The following TNRC6B variants were observed in gnomAD, a reference collection of about 807,000 sequenced individuals.
TNRC6B encodes the protein trinucleotide repeat-containing gene 6B protein.
Under a neutral mutation model 203.6 loss-of-function variants are expected in TNRC6B, and 52 were observed. The observed-to-expected ratio is 0.26, with a 90% CI of 0.20 to 0.32. The LOEUF is 0.32. Ranked by LOEUF, TNRC6B falls within the 10% of genes least tolerant of loss-of-function variation. The pLI is 1.00. For missense variants in TNRC6B, 1,923 were observed against 2,286.2 expected, an observed-to-expected ratio of 0.84 and a Z score of 3.24; for synonymous variants, 838 against 845.7, an observed-to-expected ratio of 0.99 and a Z score of 0.16.
At chr22:40,262,647 A>C (rs2070404217) in intron 4 of TNRC6B, among the ~76,000 whole-genome samples, 2 of 152,216 alleles carry the variant, frequency 1.3e-5, no homozygotes, top group Non-Finnish European at 2.9e-5. Context: ...TTAGATTTTT[A>C]AACTCAGTAT....
chr22:40,075,156 A>ATATATATATATATATTTTT, intron 1 of TNRC6B, among the ~76,000 whole-genome samples: 1 of 35,556 alleles, frequency 2.8e-5, no homozygotes, highest in Non-Finnish European at 5.2e-5. Context: ...ATATATATAT[A>ATATATATATATATATTTTT]TTTTTTTTTT....
Position 40,266,320 on chromosome 22 carries a change from G to T in TNRC6B, c.2090G>T (p.Gly697Val), listed in dbSNP as rs768004927. The T allele has an allele frequency of 3.7e-6, 6 of 1,600,406 alleles. No homozygotes were observed. In the South Asian group the frequency reaches 6.7e-5, roughly 18 times the overall value. Residue 697 changes from glycine (G) to valine (V), a missense_variant, in exon 5 of 23, where the codon GGC becomes GTC. Around this residue, in one of 8 missense-constraint regions of TNRC6B, gnomAD observed 599 missense variants for 656.5 expected, o/e 0.91. Transcript: ENST00000454349. ...TEWKDPKNTG[G>V]WNDYKNNNSS... ...TGGAAAGACCCCAAGAACACAGGAGGCTGGAATGACTACAAGAACAACAAC... is the reference window on the plus strand; with the variant it reads ...TGGAAAGACCCCAAGAACACAGGAGTCTGGAATGACTACAAGAACAACAAC...
chr22:40,165,650 A>T (rs2068912754), intron 4 of TNRC6B, among the ~76,000 whole-genome samples: 1 of 152,202 alleles, frequency 6.6e-6, no homozygotes, highest in South Asian at 2.1e-4. Flanking sequence ...TGACTCACAC[A>T]TCCACATGGC....
chr22:40,275,443 T>G (rs983904310), intron 7 of TNRC6B, among the ~76,000 whole-genome samples: 3 of 151,922 alleles, frequency 2.0e-5, no homozygotes, highest in Non-Finnish European at 4.4e-5. Context: ...ACCGAGGGCG[T>G]TTTTTTTAAA....
At chr22:40,304,778 T>C (rs892146326) in intron 15 of TNRC6B, among the ~76,000 whole-genome samples, 3 of 152,242 alleles carry the variant, frequency 2.0e-5, no homozygotes, top group African/African-American at 7.2e-5. Context: ...ATTTGTAATA[T>C]TTATTTGGTA....
At chr22:40,177,844 C>T, upstream of TNRC6B, 1 of 1,316,506 alleles carries the variant, frequency 7.6e-7, no homozygotes, top group Non-Finnish European at 9.6e-7. Flanking sequence ...GCTCCAGCTC[C>T]CTCCCCTTTC....
chr22:40,106,865 G>C, intron 1 of TNRC6B: 1 of 1,033,780 alleles, frequency 9.7e-7, no homozygotes, highest in South Asian at 1.3e-5. Context: ...TCGAATTTCA[G>C]TTCTGTCCAT....
chr22:40,123,024 G>T (rs2068459050), intron 2 of TNRC6B, among the ~76,000 whole-genome samples: 1 of 152,122 alleles, frequency 6.6e-6, no homozygotes, highest in Non-Finnish European at 1.5e-5. Flanking sequence ...CAATAGTAAG[G>T]TTCCCAATTG....
intron 3 of TNRC6B, among the ~76,000 whole-genome samples, chr22:40,132,046 AT>A: frequency 6.6e-6 from 1 of 152,330 alleles, no homozygotes; most frequent in East Asian, 1.9e-4. Context: ...TAGAGGTTAA[AT>A]ATGAAAATTA....
intron 1 of TNRC6B, among the ~76,000 whole-genome samples, chr22:40,222,806 T>C (rs937107831): frequency 1.5e-5 from 2 of 130,526 alleles, no homozygotes; most frequent in Non-Finnish European, 3.2e-5. Context: ...TGCGGTGGCA[T>C]ATCAGCTCAC....
intron 3 of TNRC6B, among the ~76,000 whole-genome samples, chr22:40,259,368 C>A (rs941415900): frequency 1.3e-5 from 2 of 152,166 alleles, no homozygotes; most frequent in South Asian, 4.2e-4. Flanking sequence ...GGAATACAGG[C>A]GCATGCCACC....
chr22:40,285,534 C>T, intron 11 of TNRC6B, 111 bp from the exon 12 acceptor site: 2 of 1,303,446 alleles, frequency 1.5e-6, no homozygotes, highest in East Asian at 4.8e-5. Context: ...TTCTGTTATT[C>T]CATCGAACAC....
intron 4 of TNRC6B, among the ~76,000 whole-genome samples, chr22:40,160,852 G>A (rs2068866009): frequency 6.6e-6 from 1 of 152,150 alleles, no homozygotes; most frequent in Non-Finnish European, 1.5e-5. Flanking sequence ...TTACAGGCAT[G>A]CACTATCATC....
intron 19 of TNRC6B, 100 bp downstream of exon 19, chr22:40,313,097 C>G (rs148325791): frequency 6.6e-6 from 6 of 912,788 alleles, no homozygotes; most frequent in Non-Finnish European, 1.0e-5. Context: ...TATACTCTTA[C>G]AGAAGTTCAG....
intron 1 of TNRC6B, among the ~76,000 whole-genome samples, chr22:40,050,392 T>C (rs1194374473): frequency 6.6e-6 from 1 of 152,202 alleles, no homozygotes; most frequent in African/African-American, 2.4e-5. Context: ...CTGAGCATCT[T>C]AACTGCAAGG....
At chr22:40,246,176 T>C (rs900672697) in intron 2 of TNRC6B, 74 bp downstream of exon 2, 6 of 1,191,170 alleles carry the variant, frequency 5.0e-6, no homozygotes, top group Non-Finnish European at 7.0e-6. Flanking sequence ...CTGTCTTGGC[T>C]TGAATATCCG....
chr22:40,069,865 T>A (rs896966098), intron 1 of TNRC6B, among the ~76,000 whole-genome samples: 6 of 152,314 alleles, frequency 3.9e-5, no homozygotes, highest in African/African-American at 1.4e-4. Context: ...TTCACGGCTA[T>A]CAGTTATGAA....
At chr22:40,205,336 A>G (rs1344461668) in intron 1 of TNRC6B, among the ~76,000 whole-genome samples, 2 of 152,238 alleles carry the variant, frequency 1.3e-5, no homozygotes, top group Admixed American at 1.3e-4. Flanking sequence ...TTTGTGCACC[A>G]GTACTGAAAA....
intron 1 of TNRC6B, among the ~76,000 whole-genome samples, chr22:40,103,398 G>A (rs921296809): frequency 6.6e-6 from 1 of 152,068 alleles, no homozygotes. Context: ...CATGCCCCAG[G>A]CAGCCCCTGA....
Sources: allele counts gnomAD v4.1 joint callset (sites outside exome capture counted in the v4.1 genomes callset), GRCh38; gene constraint gnomAD v4.1.1; regional missense constraint gnomAD v4.1.1; transcripts MANE v1.5; gene names NCBI Gene and HGNC (gene_info 2026-07-23, HGNC 2026-07-21).